Variants in RSPH14 observed in about 807,000 individuals in gnomAD.
RSPH14 encodes the protein radial spoke head 14 homolog, also known as rhabdoid tumor deletion region gene 1.
Under a neutral mutation model 26.7 loss-of-function variants are expected in RSPH14, and 20 were observed. The ratio of observed to expected loss-of-function variants is 0.75; its 90% CI spans 0.53 to 1.09. The LOEUF (loss-of-function observed/expected upper bound fraction) is 1.09, where lower values mean the gene tolerates loss of function less well. RSPH14 is among the 50% of genes least tolerant of loss of function. The probability of loss-of-function intolerance (pLI) is 0.00; values close to 1 mark genes in which losing one functional copy is unlikely to be tolerated. For synonymous variants in RSPH14, 177 were observed against 189.3 expected (o/e 0.93, Z 0.53); for missense variants, 449 against 457.2 (o/e 0.98, Z 0.16).
chr22:23,101,173 C>A (rs199683530), intron 4 of RSPH14, among the ~76,000 whole-genome samples: 2 of 152,178 alleles, frequency 1.3e-5, no homozygotes, highest in East Asian at 3.9e-4. Context: ...CCTTATATAT[C>A]CTTTAGTGTT....
chr22:23,064,793 T>C (rs1272765490), intron 4 of RSPH14, among the ~76,000 whole-genome samples: 1 of 152,170 alleles, frequency 6.6e-6, no homozygotes, highest in East Asian at 1.9e-4. Context: ...GTGCAGGTAC[T>C]GGGAGAAGCA....
In RSPH14 at chr22:23,140,105, T is replaced by A. The variant is rs925722680; in HGVS notation, c.199+117A>T. ...AAGAACCCGGGCACCGCACCTATAG[T>A]GGAACTGGCCTGGAGTCAGGCTCAA... On this transcript the variant is annotated intron_variant, in intron 2 of 6. Transcript: ENST00000216036. 2.3e-6 allele frequency: 3 copies of A among 1,311,346 alleles called. No homozygotes were observed. In the African/African-American group the frequency reaches 4.4e-5, roughly 19 times the overall value. The allele number at this position is 1,311,346 out of a possible 1,614,324, so 81.2% of individuals were successfully genotyped here. A position where few individuals can be genotyped will look rare whatever the true frequency, so the allele number is the denominator to read the frequency against.
At chr22:23,062,248 C>A (rs927582938) in intron 5 of RSPH14, among the ~76,000 whole-genome samples, 4 of 152,160 alleles carry the variant, frequency 2.6e-5, no homozygotes, top group Non-Finnish European at 4.4e-5. Flanking sequence ...ACAGCAGGAC[C>A]CAGGGGTGTC....
Position 23,138,921 on chromosome 22 carries a change from G to T in RSPH14, c.221C>A (p.Ala74Asp), listed in dbSNP as rs750017505. The change falls in exon 3 of 7, where the codon GCT becomes GAT. Residue 74 changes from alanine to aspartate, a missense_variant. Ala to Asp is a moderately radical substitution (Grantham distance 126, BLOSUM62 -2). Transcript: ENST00000216036. ...MNIGCMENLK[A>D]LLKDSNSMVR... ...CATACTGTTGCTATCCTTCAGCAAA[G>T]CTTTCAGGTTCTCCATACAGCCTAG... 3 of 1,544,692 alleles carry T rather than the reference G, an allele frequency of 1.9e-6. No homozygotes were observed. Among genetic ancestry groups the T allele is most frequent in the Non-Finnish European group, 2.6e-6 (3 of 1,145,176 alleles).
At chr22:23,172,802 T>G in the RSPH14 span, among the ~76,000 whole-genome samples, 4 of 151,188 alleles carry the variant, frequency 2.6e-5, no homozygotes, top group African/African-American at 9.7e-5. Context: ...TACAAAAAAT[T>G]AGCCGGGTGT....
intron 4 of RSPH14, among the ~76,000 whole-genome samples, chr22:23,130,075 GAA>G (rs2070285484): frequency 3.5e-5 from 1 of 28,592 alleles, no homozygotes; most frequent in Non-Finnish European, 7.3e-5. Flanking sequence ...AAGAAAGAAA[GAA>G]AGAAAGGAAG....
At chr22:23,077,082 C>T (rs1399875186) in intron 4 of RSPH14, among the ~76,000 whole-genome samples, 3 of 152,090 alleles carry the variant, frequency 2.0e-5, no homozygotes, top group Non-Finnish European at 4.4e-5. Flanking sequence ...GGGAAAGAGT[C>T]ATGGTCGATT....
chr22:23,133,197 AG>A (rs2070395251), intron 4 of RSPH14, among the ~76,000 whole-genome samples: 1 of 152,216 alleles, frequency 6.6e-6, no homozygotes, highest in Admixed American at 6.5e-5. Context: ...GAAACAATTC[AG>A]ATGTCCGTCA....
chr22:23,170,824 C>CAT, the RSPH14 span, among the ~76,000 whole-genome samples: 822 of 150,390 alleles, frequency 5.5e-3, 4 homozygotes, highest in Middle Eastern at 0.014. Flanking sequence ...GTTAGAATTT[C>CAT]ATATATATAT....
the RSPH14 span, among the ~76,000 whole-genome samples, chr22:23,152,690 C>T: frequency 1.8e-4 from 27 of 152,306 alleles, no homozygotes; most frequent in Non-Finnish European, 2.8e-4. Flanking sequence ...TGCAAGAAAT[C>T]GGGGAGATGG....
the RSPH14 span, among the ~76,000 whole-genome samples, chr22:23,177,323 A>G: frequency 2.5e-4 from 37 of 149,384 alleles, no homozygotes; most frequent in African/African-American, 9.2e-4. Context: ...ATGCCTTATC[A>G]CTTCCTCCCC....
At chr22:23,119,945 G>A (rs970578556) in intron 4 of RSPH14, among the ~76,000 whole-genome samples, 2 of 152,184 alleles carry the variant, frequency 1.3e-5, no homozygotes, top group Admixed American at 6.5e-5. Context: ...AGGAATAGAG[G>A]AAACCAGGAA....
chr22:23,141,756 A>G (rs554788919), intron 1 of RSPH14, among the ~76,000 whole-genome samples, 193 bp downstream of exon 1: 1 of 152,316 alleles, frequency 6.6e-6, no homozygotes, highest in East Asian at 1.9e-4. Flanking sequence ...GTTTGAGTTG[A>G]GCTCCCCTCA....
intron 4 of RSPH14, among the ~76,000 whole-genome samples, chr22:23,107,263 GC>G (rs1289062365): frequency 1.3e-5 from 2 of 152,148 alleles, no homozygotes; most frequent in Non-Finnish European, 2.9e-5. Context: ...CCCTGCCCTG[GC>G]CCCCATCCCA....
chr22:23,081,340 A>G (rs1217718472), intron 4 of RSPH14, among the ~76,000 whole-genome samples: 1 of 152,204 alleles, frequency 6.6e-6, no homozygotes, highest in Non-Finnish European at 1.5e-5. Context: ...TGTCTCTGAA[A>G]ATTGACAGAT....
chr22:23,177,467 C>T, the RSPH14 span, among the ~76,000 whole-genome samples: 2 of 152,198 alleles, frequency 1.3e-5, no homozygotes, highest in East Asian at 3.8e-4. Context: ...ACAAGACAAA[C>T]AGGTCTGTGA....
At chr22:23,126,812 C>T (rs1318247337) in intron 4 of RSPH14, among the ~76,000 whole-genome samples, 1 of 152,232 alleles carries the variant, frequency 6.6e-6, no homozygotes. Context: ...CAGCCCCAGC[C>T]TCCTTTCCCA....
upstream of RSPH14, among the ~76,000 whole-genome samples, chr22:23,144,104 A>AAC (rs1311379646): frequency 8.0e-5 from 12 of 150,444 alleles, no homozygotes; most frequent in African/African-American, 2.9e-4. Flanking sequence ...AAAAAAAAAA[A>AAC]AAAAAAAAAA....
chr22:23,060,600 C>T (rs1330268006), intron 6 of RSPH14, among the ~76,000 whole-genome samples: 1 of 152,200 alleles, frequency 6.6e-6, no homozygotes, highest in African/African-American at 2.4e-5. Flanking sequence ...TTTCTGCTGT[C>T]CTTGCCGGCC....
Sources: allele counts gnomAD v4.1 joint callset (sites outside exome capture counted in the v4.1 genomes callset), GRCh38; gene constraint gnomAD v4.1.1; transcripts MANE v1.5; gene names NCBI Gene and HGNC (gene_info 2026-07-23, HGNC 2026-07-21).